Variants in ARK2N observed in about 807,000 individuals in gnomAD.
The protein encoded by ARK2N is protein ARK2N.
At chr18:46,193,605 T>G in the ARK2N span, among the ~76,000 whole-genome samples, 6 of 136,774 alleles carry the variant, frequency 4.4e-5, no homozygotes, top group African/African-American at 9.0e-5. Flanking sequence ...TTTTTTTTTT[T>G]TTTTTTTTTT....
the ARK2N span, among the ~76,000 whole-genome samples, chr18:46,258,741 A>G: frequency 6.6e-6 from 1 of 152,166 alleles, no homozygotes; most frequent in Non-Finnish European, 1.5e-5. Context: ...AAACCAGCTG[A>G]GTATGTTCCT....
At chr18:46,227,714 C>T in the ARK2N span, among the ~76,000 whole-genome samples, 1 of 152,142 alleles carries the variant, frequency 6.6e-6, no homozygotes, top group East Asian at 1.9e-4. Flanking sequence ...TCTCCTGCCT[C>T]AGCCTCCTAA....
At chr18:46,235,272 C>A in the ARK2N span, among the ~76,000 whole-genome samples, 2 of 152,182 alleles carry the variant, frequency 1.3e-5, no homozygotes, top group Admixed American at 6.5e-5. Flanking sequence ...TTTGTGATGA[C>A]CTTACTCAAC....
the ARK2N span, among the ~76,000 whole-genome samples, chr18:46,211,333 C>G: frequency 6.6e-6 from 1 of 152,066 alleles, no homozygotes; most frequent in Non-Finnish European, 1.5e-5. Flanking sequence ...CTGAGCCTCC[C>G]CAGTAGCTGG....
At chr18:46,184,084 G>A in the ARK2N span, among the ~76,000 whole-genome samples, 466 of 152,174 alleles carry the variant, frequency 3.1e-3, 5 homozygotes, top group African/African-American at 0.011. Context: ...TCTGCCTCCT[G>A]GGTTCAAGCG....
chr18:46,255,104 T>C, the ARK2N span, among the ~76,000 whole-genome samples: 1 of 152,246 alleles, frequency 6.6e-6, no homozygotes, highest in African/African-American at 2.4e-5. Context: ...TTCTTCTGTC[T>C]CTTATATAAA....
At chr18:46,247,345 T>A in the ARK2N span, among the ~76,000 whole-genome samples, 1 of 152,190 alleles carries the variant, frequency 6.6e-6, no homozygotes, top group Non-Finnish European at 1.5e-5. Context: ...GAAATATTGA[T>A]GACAGATATT....
the ARK2N span, among the ~76,000 whole-genome samples, chr18:46,224,852 CTGAG>C: frequency 2.6e-5 from 4 of 152,240 alleles, no homozygotes; most frequent in South Asian, 4.1e-4. Flanking sequence ...TGTCATTTTC[CTGAG>C]TAAGTGTGTC....
the ARK2N span, among the ~76,000 whole-genome samples, chr18:46,201,351 G>A: frequency 6.6e-6 from 1 of 152,056 alleles, no homozygotes; most frequent in African/African-American, 2.4e-5. Context: ...ATATGTGTAG[G>A]ATGATTCCTT....
chr18:46,175,547 T>C, the ARK2N span, among the ~76,000 whole-genome samples: 1 of 150,522 alleles, frequency 6.6e-6, no homozygotes, highest in South Asian at 2.1e-4. Context: ...AATTGATAGT[T>C]ACTGCCTGAT....
chr18:46,186,120 TTTTTA>T, the ARK2N span, among the ~76,000 whole-genome samples: 1 of 152,110 alleles, frequency 6.6e-6, no homozygotes, highest in Non-Finnish European at 1.5e-5. Flanking sequence ...GCTAGGAGTG[TTTTTA>T]TTTTATTATT....
chr18:46,188,579 C>T, the ARK2N span, among the ~76,000 whole-genome samples: 1 of 152,168 alleles, frequency 6.6e-6, no homozygotes, highest in Non-Finnish European at 1.5e-5. Context: ...CTCCTGAGCT[C>T]AAGCAATCCT....
the ARK2N span, among the ~76,000 whole-genome samples, chr18:46,205,018 A>C: frequency 5.1e-3 from 769 of 150,664 alleles, 9 homozygotes; most frequent in African/African-American, 0.017. Context: ...ATCTCGGCTC[A>C]CTGCAACTTC....
At chr18:46,177,643 G>A in the ARK2N span, among the ~76,000 whole-genome samples, 1 of 151,728 alleles carries the variant, frequency 6.6e-6, no homozygotes, top group African/African-American at 2.4e-5. Flanking sequence ...GGCCAGGTTG[G>A]TCTCGAATTC....
the ARK2N span, among the ~76,000 whole-genome samples, chr18:46,176,094 G>A: frequency 1.3e-5 from 2 of 152,126 alleles, no homozygotes; most frequent in African/African-American, 4.8e-5. Context: ...GTCCTTCAAA[G>A]GTTTCTTGCT....
At chr18:46,239,551 T>C in the ARK2N span, among the ~76,000 whole-genome samples, 1 of 152,238 alleles carries the variant, frequency 6.6e-6, no homozygotes, top group African/African-American at 2.4e-5. Flanking sequence ...TTGATTTTCT[T>C]TTCTGAATCT....
the ARK2N span, among the ~76,000 whole-genome samples, chr18:46,260,492 T>C: frequency 6.6e-6 from 1 of 152,232 alleles, no homozygotes; most frequent in African/African-American, 2.4e-5. Context: ...ATAAATTCTC[T>C]TCATTGTTTA....
At chr18:46,266,564 G>A in the ARK2N span, 1 of 152,526 alleles carries the variant, frequency 6.6e-6, no homozygotes, top group Non-Finnish European at 1.5e-5. Context: ...GGATAACTAG[G>A]AAATATTTTT....
chr18:46,249,091 C>T, the ARK2N span, among the ~76,000 whole-genome samples: 4 of 152,290 alleles, frequency 2.6e-5, no homozygotes, highest in South Asian at 8.3e-4. Context: ...ACACTTTGAG[C>T]CTGTATCCCC....
Sources: gnomAD v4.1 joint callset for allele counts (sites outside exome capture counted in the v4.1 genomes callset) on GRCh38, gnomAD v4.1.1 for gene constraint, MANE v1.5 for transcripts, NCBI Gene and HGNC (gene_info 2026-07-23, HGNC 2026-07-21) for gene names.